The following LARGE1 variants were observed in gnomAD, a reference collection of about 807,000 sequenced individuals.
LARGE1 encodes the protein xylosyl- and glucuronyltransferase LARGE1.
LARGE1 carries 43 observed loss-of-function variants against 87.6 expected under a neutral mutation model. That is an observed-to-expected ratio of 0.49 (90% CI 0.38 to 0.63). The LOEUF (loss-of-function observed/expected upper bound fraction) is 0.63. Ranked by LOEUF, LARGE1 falls within the 30% of genes least tolerant of loss-of-function variation. LARGE1 has a pLI of 0.00. For synonymous variants in LARGE1, 434 were observed against 394.6 expected, an observed-to-expected ratio of 1.10 and a Z score of -1.18; for missense variants, 802 against 1,000.2, an observed-to-expected ratio of 0.80 and a Z score of 2.67.
intron 6 of LARGE1, among the ~76,000 whole-genome samples, chr22:33,503,829 A>G (rs2070628761): frequency 1.3e-5 from 2 of 151,906 alleles, no homozygotes; most frequent in African/African-American, 4.8e-5. Flanking sequence ...AAAACACCAA[A>G]AAACAAAACA....
chr22:33,302,040 G>A (rs1934216993), intron 12 of LARGE1, among the ~76,000 whole-genome samples: 2 of 152,208 alleles, frequency 1.3e-5, no homozygotes, highest in South Asian at 4.1e-4. Context: ...TCCCAGAGGG[G>A]TGGAGGGTGG....
At chr22:33,806,182 G>A (rs1285647765) in intron 1 of LARGE1, among the ~76,000 whole-genome samples, 4 of 152,260 alleles carry the variant, frequency 2.6e-5, no homozygotes, top group South Asian at 4.1e-4. Flanking sequence ...TTATGAATGG[G>A]ATCAAACAAT....
chr22:33,142,239 C>A, the LARGE1 span, among the ~76,000 whole-genome samples: 1 of 152,162 alleles, frequency 6.6e-6, no homozygotes. Flanking sequence ...TTGTGCTGCT[C>A]CTTCTGGTCT....
In LARGE1 at chr22:33,861,184, T is replaced by C. The variant is rs150017823; in HGVS notation, c.-83+58811A>G. On this transcript the variant is annotated intron_variant, in intron 1 of 14. Coordinates refer to ENST00000397394, the MANE Select transcript of LARGE1 (RefSeq NM_133642.5). ...GTCAGTAAGCACAGCCCTATCTTGG[T>C]ATTCTCTCCAAAGCTCCACATTAAA... 1.2e-3 allele frequency among the ~76,000 whole-genome samples: 176 copies of C among 152,242 alleles called. 1 individual carries two copies. The highest frequency in any genetic ancestry group is 3.9e-3 in the African/African-American group (163 of 41,552).
intron 1 of LARGE1, among the ~76,000 whole-genome samples, chr22:33,789,931 T>C (rs1205259985): frequency 6.6e-6 from 1 of 152,176 alleles, no homozygotes; most frequent in East Asian, 1.9e-4. Flanking sequence ...GAGTTAATGC[T>C]GAAATGAGTT....
At chr22:33,130,877 C>CA in the LARGE1 span, among the ~76,000 whole-genome samples, 4 of 151,308 alleles carry the variant, frequency 2.6e-5, no homozygotes, top group South Asian at 8.4e-4. Flanking sequence ...ACTGAACATA[C>CA]AAAAAATTAG....
At chr22:33,594,264 A>T (rs2078919489) in intron 5 of LARGE1, among the ~76,000 whole-genome samples, 1 of 152,206 alleles carries the variant, frequency 6.6e-6, no homozygotes, top group African/African-American at 2.4e-5. Flanking sequence ...GGGATGAAGC[A>T]GCCAACACCC....
chr22:33,378,277 G>A (rs1601633198), intron 9 of LARGE1, among the ~76,000 whole-genome samples: 1 of 151,958 alleles, frequency 6.6e-6, no homozygotes, highest in Non-Finnish European at 1.5e-5. Flanking sequence ...AAATAATATG[G>A]GCATAGGCTT....
chr22:33,390,154 T>G (rs1250320805), intron 7 of LARGE1, among the ~76,000 whole-genome samples: 5 of 152,238 alleles, frequency 3.3e-5, no homozygotes, highest in African/African-American at 1.2e-4. Context: ...CTTTTCTCTT[T>G]GGAATTCCAG....
the LARGE1 span, among the ~76,000 whole-genome samples, chr22:33,089,371 C>CTTCTTCTTCTTCTTCTTCTCCTCCTT: frequency 9.2e-5 from 7 of 76,098 alleles, no homozygotes; most frequent in Admixed American, 2.7e-4. Flanking sequence ...TTCTTCTTCT[C>CTTCTTCTTCTTCTTCTTCTCCTCCTT]CTTCTTCTTC....
intron 2 of LARGE1, among the ~76,000 whole-genome samples, chr22:33,690,083 C>T (rs1472823468): frequency 6.6e-6 from 1 of 152,200 alleles, no homozygotes; most frequent in Admixed American, 6.5e-5. Context: ...CAAGGGGAAG[C>T]TCCGCAGGGT....
the LARGE1 span, among the ~76,000 whole-genome samples, chr22:33,146,333 C>G: frequency 1.3e-5 from 2 of 152,162 alleles, no homozygotes; most frequent in Non-Finnish European, 2.9e-5. Context: ...TCCCTTTCTT[C>G]TACCTAATTT....
intron 6 of LARGE1, among the ~76,000 whole-genome samples, chr22:33,464,809 TTGAC>T (rs2068521455): frequency 6.6e-6 from 1 of 151,918 alleles, no homozygotes; most frequent in African/African-American, 2.4e-5. Context: ...ACTAATAAAG[TTGAC>T]TGTGTATACA....
downstream of LARGE1, among the ~76,000 whole-genome samples, chr22:33,159,583 ATTTTT>A (rs768251168): frequency 7.0e-6 from 1 of 143,522 alleles, no homozygotes; most frequent in Non-Finnish European, 1.5e-5. Context: ...ATCAATTTAA[ATTTTT>A]TTTTTTTTTT....
At chr22:33,384,090 A>G (rs2065246222) in intron 8 of LARGE1, 102 bp downstream of exon 8, 2 of 870,452 alleles carry the variant, frequency 2.3e-6, no homozygotes, top group Non-Finnish European at 2.0e-6. Flanking sequence ...AGAGTCACAC[A>G]ATACGTAGAA....
At chr22:33,613,588 G>A (rs1448973414) in intron 4 of LARGE1, among the ~76,000 whole-genome samples, 1 of 152,166 alleles carries the variant, frequency 6.6e-6, no homozygotes, top group Non-Finnish European at 1.5e-5. Context: ...CGCCTCCTGG[G>A]TTCAGGAGAT....
In LARGE1 at chr22:33,801,254, C is replaced by T. The variant is rs140951653; in HGVS notation, c.-82-39696G>A. ...CAGTCTCAGGTATGTCTTTATCAGC[C>T]GCATGAAAATGTACTAATACATATG... On this transcript the variant is annotated intron_variant, in intron 1 of 14. Coordinates refer to ENST00000397394, the MANE Select transcript of LARGE1 (RefSeq NM_133642.5). Among the ~76,000 whole-genome samples the T allele has an allele frequency of 4.2e-3, 633 of 152,144 alleles. 15 individuals are homozygous for T. The highest frequency in any genetic ancestry group is 0.036 in the Admixed American group (542 of 15,264).
At chr22:33,153,336 CTT>C in the LARGE1 span, among the ~76,000 whole-genome samples, 192 of 152,266 alleles carry the variant, frequency 1.3e-3, no homozygotes, top group African/African-American at 4.5e-3. Context: ...CTTTCACTGA[CTT>C]TTTATTTCTT....
At chr22:33,491,863 A>T (rs560536747) in intron 6 of LARGE1, among the ~76,000 whole-genome samples, 130 of 152,368 alleles carry the variant, frequency 8.5e-4, no homozygotes, top group Non-Finnish European at 1.4e-3. Context: ...TTACTATGAA[A>T]TAAAGACAAG....
Sources: gnomAD v4.1 joint callset for allele counts (sites outside exome capture counted in the v4.1 genomes callset) on GRCh38, gnomAD v4.1.1 for gene constraint, MANE v1.5 for transcripts, NCBI Gene and HGNC (gene_info 2026-07-23, HGNC 2026-07-21) for gene names.